TAS2R1: variants seen among roughly 807,000 people sequenced by gnomAD.
The protein encoded by TAS2R1 is taste 2 receptor member 1.
For synonymous variants in TAS2R1, 141 were observed against 134.2 expected, an observed-to-expected ratio of 1.05 and a Z score of -0.35; for missense variants, 370 against 353.4, an observed-to-expected ratio of 1.05 and a Z score of -0.38.
At chr5:9,648,025 T>C (rs963457792) in intron 2 of TAS2R1, among the ~76,000 whole-genome samples, 1 of 152,162 alleles carries the variant, frequency 6.6e-6, no homozygotes, top group Non-Finnish European at 1.5e-5. Flanking sequence ...AAAAGTACTT[T>C]TGGCCATAAA....
At chr5:9,718,378 C>G in the TAS2R1 span, among the ~76,000 whole-genome samples, 1 of 152,038 alleles carries the variant, frequency 6.6e-6, no homozygotes, top group Non-Finnish European at 1.5e-5. Context: ...AATCAAGGAT[C>G]AAAAACCAAA....
intron 1 of TAS2R1, among the ~76,000 whole-genome samples, chr5:9,697,299 T>C (rs1561382088): frequency 6.6e-6 from 1 of 152,158 alleles, no homozygotes; most frequent in Non-Finnish European, 1.5e-5. Flanking sequence ...AAATACTGCA[T>C]CTGATATCTA....
intron 2 of TAS2R1, among the ~76,000 whole-genome samples, chr5:9,657,422 C>T (rs970408233): frequency 6.6e-6 from 1 of 152,182 alleles, no homozygotes; most frequent in African/African-American, 2.4e-5. Context: ...AAATACCGAG[C>T]TCTGATTGCT....
chr5:9,764,324 T>C, the TAS2R1 span, among the ~76,000 whole-genome samples: 1 of 152,220 alleles, frequency 6.6e-6, no homozygotes, highest in Admixed American at 6.5e-5. Flanking sequence ...CTCAGTTCTA[T>C]AAAAACTTCT....
At chr5:9,807,097 A>G in the TAS2R1 span, among the ~76,000 whole-genome samples, 1 of 152,182 alleles carries the variant, frequency 6.6e-6, no homozygotes, top group Non-Finnish European at 1.5e-5. Context: ...TAAGGACATA[A>G]ATAGAAAATT....
At chr5:9,872,562 C>T in the TAS2R1 span, among the ~76,000 whole-genome samples, 1 of 152,210 alleles carries the variant, frequency 6.6e-6, no homozygotes, top group Non-Finnish European at 1.5e-5. Context: ...AGCCCTCACA[C>T]CTTTTACTTT....
chr5:9,840,000 T>C, the TAS2R1 span, among the ~76,000 whole-genome samples: 7 of 152,182 alleles, frequency 4.6e-5, no homozygotes, highest in East Asian at 1.3e-3. Flanking sequence ...TGAATCCAAC[T>C]CTTTAGGAAA....
the TAS2R1 span, among the ~76,000 whole-genome samples, chr5:9,803,537 A>G: frequency 6.6e-6 from 1 of 152,238 alleles, no homozygotes; most frequent in Non-Finnish European, 1.5e-5. Flanking sequence ...GATTAACAGC[A>G]GACTTCTCAG....
intron 1 of TAS2R1, among the ~76,000 whole-genome samples, chr5:9,703,332 G>A (rs1048580473): frequency 1.3e-5 from 2 of 152,124 alleles, no homozygotes; most frequent in African/African-American, 2.4e-5. Context: ...CAAACAGAAG[G>A]CTGAATTAAA....
chr5:9,809,184 G>A, the TAS2R1 span, among the ~76,000 whole-genome samples: 3 of 152,146 alleles, frequency 2.0e-5, no homozygotes, highest in African/African-American at 7.2e-5. Flanking sequence ...TCTCTCTTTA[G>A]ACTAGACTTC....
chr5:9,643,698 C>T (rs1740129764), intron 2 of TAS2R1, among the ~76,000 whole-genome samples: 1 of 152,094 alleles, frequency 6.6e-6, no homozygotes. Context: ...TATATGCAGT[C>T]CACTGTTGAT....
the TAS2R1 span, among the ~76,000 whole-genome samples, chr5:9,789,163 T>G: frequency 6.6e-6 from 1 of 152,092 alleles, no homozygotes; most frequent in African/African-American, 2.4e-5. Flanking sequence ...AAAACGGGCA[T>G]CAACCCAGGA....
Position 9,649,718 on chromosome 5 carries a change from C to G in TAS2R1, c.-81+9703G>C, listed in dbSNP as rs111280993. On this transcript the variant is annotated intron_variant, in intron 2 of 2. Transcript: ENST00000506620. ...TGGAGGCATATTTACATTTGTTTTG[C>G]ATTTGTTATTTAAGAGGTCAGACTA... is the stretch of plus-strand genomic sequence containing the variant. Among the ~76,000 whole-genome samples the G allele has an allele frequency of 7.7e-3, 1,178 of 152,246 alleles. 21 individuals are homozygous for G. Among genetic ancestry groups the G allele is most frequent in the African/African-American group, 0.026 (1,099 of 41,546 alleles).
chr5:9,769,634 A>T, the TAS2R1 span, among the ~76,000 whole-genome samples: 1 of 152,130 alleles, frequency 6.6e-6, no homozygotes, highest in Admixed American at 6.5e-5. Context: ...ATCTCATTAT[A>T]GTTTTGATTT....
At chr5:9,705,447 C>A (rs1034575227) in intron 1 of TAS2R1, among the ~76,000 whole-genome samples, 2 of 152,158 alleles carry the variant, frequency 1.3e-5, no homozygotes, top group African/African-American at 2.4e-5. Flanking sequence ...AAATTCAGTT[C>A]TGATTGACTG....
chr5:9,861,543 CTT>C, the TAS2R1 span, among the ~76,000 whole-genome samples: 1 of 152,170 alleles, frequency 6.6e-6, no homozygotes, highest in Non-Finnish European at 1.5e-5. Context: ...AGAAAAGGCA[CTT>C]GTTTCAGAGT....
At chr5:9,802,086 T>C in the TAS2R1 span, among the ~76,000 whole-genome samples, 4 of 152,272 alleles carry the variant, frequency 2.6e-5, no homozygotes, top group Admixed American at 2.0e-4. Context: ...TGATGCACTA[T>C]TGAAAGCACC....
the TAS2R1 span, among the ~76,000 whole-genome samples, chr5:9,758,381 C>A: frequency 6.6e-6 from 1 of 152,190 alleles, no homozygotes; most frequent in Non-Finnish European, 1.5e-5. Flanking sequence ...AGTTCTACAG[C>A]AACTGCCCCA....
At chr5:9,892,348 C>T in the TAS2R1 span, among the ~76,000 whole-genome samples, 2 of 152,176 alleles carry the variant, frequency 1.3e-5, no homozygotes, top group Non-Finnish European at 2.9e-5. Flanking sequence ...ACTAGTTTCT[C>T]AAGCTTTGTA....
Sources: allele counts gnomAD v4.1 joint callset (sites outside exome capture counted in the v4.1 genomes callset), GRCh38; gene constraint gnomAD v4.1.1; transcripts MANE v1.5; gene names NCBI Gene and HGNC (gene_info 2026-07-23, HGNC 2026-07-21).